Variants in DOCK7 observed in about 807,000 individuals in gnomAD.
The protein encoded by DOCK7 is dedicator of cytokinesis protein 7.
In DOCK7, 138 loss-of-function variants were observed where a neutral mutation model predicts 271.0. The ratio of observed to expected loss-of-function variants is 0.51; its 90% CI spans 0.44 to 0.59. The LOEUF is 0.59. Ranked by LOEUF, DOCK7 falls within the 20% of genes least tolerant of loss-of-function variation. The probability of loss-of-function intolerance (pLI) is 0.00; values close to 1 mark genes in which losing one functional copy is unlikely to be tolerated. For synonymous variants in DOCK7, 823 were observed against 876.1 expected (o/e 0.94, Z 1.07); for missense variants, 2,066 against 2,592.4 (o/e 0.80, Z 4.41).
Position 62,529,264 on chromosome 1 carries a change from T to G in DOCK7, c.3781+13A>C, listed in dbSNP as rs764973190. 6.4e-7 allele frequency: 1 copy of G among 1,570,880 alleles called. No individual in the cohort carries two copies. The highest frequency in any genetic ancestry group is 8.6e-7 in the Non-Finnish European group (1 of 1,161,882). On this transcript the variant is annotated intron_variant, in intron 30 of 49. Transcript: ENST00000635253. ...GCTTTGCCTTTAATATTTGCCTTAA[T>G]TATACTAGGTACCTGTAAAATCATA...
At chr1:62,513,685 T>A in intron 32 of DOCK7, 31 bp downstream of exon 32, 1 of 1,608,648 alleles carries the variant, frequency 6.2e-7, no homozygotes, top group Non-Finnish European at 8.5e-7. Context: ...TCTCCTTTCT[T>A]GTTCTTTGCA....
Position 62,589,598 on chromosome 1 carries a change from T to A in DOCK7, c.1683-2974A>T, listed in dbSNP as rs1571668767. ...GGTCACTGTTTCTAGACAATTTAAG[T>A]ACAAAGAGTTGGGGAGAAATGCTTC... On this transcript the variant is annotated intron_variant, in intron 14 of 49. Transcript: ENST00000635253. Among the ~76,000 whole-genome samples, 3 of 151,596 alleles carry A rather than the reference T, an allele frequency of 2.0e-5. No individual in the cohort carries two copies. In the South Asian group the frequency reaches 6.3e-4, roughly 32 times the overall value.
chr1:62,582,701 C>G (rs1204507316), intron 16 of DOCK7, among the ~76,000 whole-genome samples: 1 of 151,222 alleles, frequency 6.6e-6, no homozygotes, highest in African/African-American at 2.4e-5. Context: ...GTGATTTTTC[C>G]CCAACAGTAT....
intron 4 of DOCK7, among the ~76,000 whole-genome samples, chr1:62,649,025 A>G (rs1288758584): frequency 1.3e-5 from 2 of 148,866 alleles, no homozygotes; most frequent in Non-Finnish European, 3.0e-5. Flanking sequence ...AAAGCTGCAG[A>G]CTTGTAAAAT....
chr1:62,548,481 C>T (rs918937212), intron 22 of DOCK7, among the ~76,000 whole-genome samples: 7 of 147,706 alleles, frequency 4.7e-5, no homozygotes, highest in South Asian at 4.3e-4. Flanking sequence ...AGTGCAATGG[C>T]GCGATCTTGG....
intron 14 of DOCK7, among the ~76,000 whole-genome samples, chr1:62,614,233 T>C (rs897010579): frequency 6.6e-6 from 1 of 152,094 alleles, no homozygotes; most frequent in Non-Finnish European, 1.5e-5. Flanking sequence ...ATGATATTTG[T>C]ATATTAGCTG....
chr1:62,542,202 G>A (rs909188544), intron 25 of DOCK7, among the ~76,000 whole-genome samples: 2 of 151,976 alleles, frequency 1.3e-5, no homozygotes, highest in Non-Finnish European at 2.9e-5. Context: ...TTTATTGATT[G>A]TAACTGGCAT....
chr1:62,473,874 T>G (rs1297220771), intron 48 of DOCK7, 108 bp downstream of exon 48: 2 of 802,394 alleles, frequency 2.5e-6, no homozygotes, highest in African/African-American at 1.7e-5. Flanking sequence ...TGTAAGCCAC[T>G]GTGCCTAGCC....
chr1:62,638,159 T>C (rs1655509093), intron 7 of DOCK7, among the ~76,000 whole-genome samples: 1 of 152,206 alleles, frequency 6.6e-6, no homozygotes, highest in African/African-American at 2.4e-5. Context: ...TTTCTATTTA[T>C]TGTTTGACTC....
At chr1:62,478,205 C>T (rs1646020124) in intron 43 of DOCK7, 1 of 158,310 alleles carries the variant, frequency 6.3e-6, no homozygotes, top group Admixed American at 6.4e-5. Context: ...GATACTAGAG[C>T]ATACTAGGTC....
intron 48 of DOCK7, 127 bp from the exon 49 acceptor site, chr1:62,457,832 T>G (rs1322003010): frequency 2.7e-5 from 24 of 885,472 alleles, no homozygotes; most frequent in Non-Finnish European, 4.2e-5. Flanking sequence ...ACTATATATG[T>G]GGGCCTAATC....
chr1:62,557,600 C>T (rs1017717618), intron 20 of DOCK7, among the ~76,000 whole-genome samples: 1 of 143,666 alleles, frequency 7.0e-6, no homozygotes, highest in South Asian at 2.4e-4. Context: ...CACGAGTAGA[C>T]ATTTCTCAAG....
chr1:62,604,124 G>A (rs760497310), intron 14 of DOCK7: 9 of 1,613,368 alleles, frequency 5.6e-6, no homozygotes, highest in Non-Finnish European at 6.8e-6. Context: ...GCTACATCTA[G>A]TTGCGATTAC....
At chr1:62,510,391 G>A (rs544314900) in intron 34 of DOCK7, among the ~76,000 whole-genome samples, 186 bp downstream of exon 34, 3 of 152,164 alleles carry the variant, frequency 2.0e-5, no homozygotes, top group Non-Finnish European at 4.4e-5. Flanking sequence ...ACTATACCAC[G>A]AGAAGTTCTT....
At chr1:62,668,169 G>A (rs751542800) in intron 1 of DOCK7, among the ~76,000 whole-genome samples, 1 of 152,168 alleles carries the variant, frequency 6.6e-6, no homozygotes, top group Non-Finnish European at 1.5e-5. Flanking sequence ...CCAGTTTACG[G>A]GAAATACAGA....
intron 48 of DOCK7, among the ~76,000 whole-genome samples, chr1:62,471,038 T>C (rs1173250891): frequency 1.3e-5 from 2 of 152,160 alleles, no homozygotes; most frequent in African/African-American, 4.8e-5. Context: ...TGAAGCCCTT[T>C]ATGATGATCC....
intron 12 of DOCK7, among the ~76,000 whole-genome samples, chr1:62,624,194 T>C (rs1281235963): frequency 6.6e-6 from 1 of 151,994 alleles, no homozygotes; most frequent in African/African-American, 2.4e-5. Flanking sequence ...TACATCAAAA[T>C]CTAGTATATA....
intron 1 of DOCK7, among the ~76,000 whole-genome samples, chr1:62,679,207 T>A (rs1214142671): frequency 2.0e-5 from 3 of 152,116 alleles, no homozygotes; most frequent in Non-Finnish European, 4.4e-5. Flanking sequence ...TATGGATGAA[T>A]ATCTTAATAT....
chr1:62,477,655 A>G (rs368416251), intron 44 of DOCK7, 45 bp downstream of exon 44: 3 of 1,530,454 alleles, frequency 2.0e-6, no homozygotes, highest in Non-Finnish European at 2.6e-6. Flanking sequence ...CATCAGAGAG[A>G]ATACAAACTA....
Sources: allele counts gnomAD v4.1 joint callset (sites outside exome capture counted in the v4.1 genomes callset), GRCh38; gene constraint gnomAD v4.1.1; transcripts MANE v1.5; gene names NCBI Gene and HGNC (gene_info 2026-07-23, HGNC 2026-07-21).